VPS39: variants seen among roughly 807,000 people sequenced by gnomAD.
VPS39 encodes the protein VPS39 subunit of HOPS complex.
Under a neutral mutation model 121.0 loss-of-function variants are expected in VPS39, and 70 were observed. That is an observed-to-expected ratio of 0.58 (90% CI 0.48 to 0.71). The LOEUF is 0.71. Ranked by LOEUF, VPS39 falls within the 30% of genes least tolerant of loss-of-function variation. The pLI is 0.00. For missense variants in VPS39, 818 were observed against 1,051.5 expected (o/e 0.78, Z 3.07); for synonymous variants, 378 against 398.1 (o/e 0.95, Z 0.60).
chr15:42,173,755 T>C lies in VPS39; in HGVS notation c.1058A>G (p.Glu353Gly). ...FNLFCQKRFD[E>G]SMQVFAKLGT... The stretch of plus-strand genomic sequence containing the variant: ...AAGTTTAGCAAAGACCTGCATGGAC[T>C]CATCAAAACGCTTCTGGCAGAAGAG... The change falls in exon 11 of 25, where the codon GAG becomes GGG. Residue 353 changes from glutamate (E) to glycine (G), a missense_variant. Glu to Gly is a moderately conservative substitution (Grantham distance 98). Transcript: ENST00000318006. 6.2e-7 allele frequency: 1 copy of C among 1,614,168 alleles called. No homozygotes were observed. The highest frequency in any genetic ancestry group is 1.3e-5 in the African/African-American group (1 of 75,054).
rs1332311798 is a variant in VPS39 at position 42,197,291 on chromosome 15, G to A, written c.139+2605C>T. Among the ~76,000 whole-genome samples the A allele has an allele frequency of 2.7e-5, 4 of 150,272 alleles. No individual in the cohort carries two copies. In the South Asian group the frequency reaches 6.3e-4, roughly 24 times the overall value. ...GTATACATATGTAACAAACCTGCAC[G>A]TTGTGCACTTGTACCCTAGAACTTA... is the stretch of plus-strand genomic sequence containing the variant. On this transcript the variant is annotated intron_variant, in intron 2 of 24. Coordinates refer to ENST00000318006, the MANE Select transcript of VPS39 (RefSeq NM_015289.5).
At chr15:42,187,613 C>T (rs188065250) in intron 6 of VPS39, 145 bp downstream of exon 6, 1 of 786,662 alleles carries the variant, frequency 1.3e-6, no homozygotes, top group African/African-American at 1.7e-5. Context: ...AATCATATTA[C>T]AAGTAGGCAT....
At chr15:42,162,268 A>G (rs1427213909) in intron 22 of VPS39, 64 bp downstream of exon 22, 19 of 1,597,298 alleles carry the variant, frequency 1.2e-5, no homozygotes, top group East Asian at 1.1e-4. Context: ...CCCTTTCCAC[A>G]TTTCCTCTTC....
At position 42,184,704 on chromosome 15, in the gene VPS39, T is replaced by G. The variant is rs762745233; in HGVS notation, c.535-4A>C. On this transcript the variant is annotated splice_polypyrimidine_tract_variant and splice_region_variant and intron_variant, in intron 7 of 24. Coordinates refer to ENST00000318006, the MANE Select transcript of VPS39 (RefSeq NM_015289.5). ...TGATGGACCCCTTTCCATCCACCTA[T>G]AGGAAGAAACAGAGTGAGTCACCTA... is the stretch of plus-strand genomic sequence containing the variant. 2 of 1,607,336 alleles carry G rather than the reference T, an allele frequency of 1.2e-6. No homozygotes were observed. Among genetic ancestry groups the G allele is most frequent in the East Asian group, 4.5e-5 (2 of 44,794 alleles).
Position 42,159,043 on chromosome 15 carries a change from G to A in VPS39, c.*1711C>T, listed in dbSNP as rs932439667. On this transcript the variant is annotated 3_prime_UTR_variant, in exon 25 of 25. Coordinates refer to ENST00000318006, the MANE Select transcript of VPS39 (RefSeq NM_015289.5). ...TGCTCCTGGAGGAAGCAGAGTCCAA[G>A]CTGGCCCAGATGAGGCCCCGGGCAG... 3.3e-5 allele frequency: 5 copies of A among 152,258 alleles called. No homozygotes were observed. Among genetic ancestry groups the A allele is most frequent in the African/African-American group, 1.2e-4 (5 of 41,436 alleles). The allele number at this position is 152,258 out of a possible 1,614,324, so 9.4% of individuals were successfully genotyped here.
At chr15:42,168,950 T>C (rs1222760929) in intron 12 of VPS39, among the ~76,000 whole-genome samples, 4 of 152,196 alleles carry the variant, frequency 2.6e-5, no homozygotes, top group Non-Finnish European at 5.9e-5. Context: ...TGATTCTGAA[T>C]GGGTACACAG....
chr15:42,169,504 T>A (rs1483621425), intron 12 of VPS39, among the ~76,000 whole-genome samples: 1 of 152,236 alleles, frequency 6.6e-6, no homozygotes. Flanking sequence ...TTACTAGGAA[T>A]TGGGTGTGTT....
rs1247926607 is a variant in VPS39, at chr15:42,164,930, G to A, written c.1897+66C>T. ...GGTGGCCTGCTTACCCCCACCACAC[G>A]TGGCACCTGGGTCTGTGCTCTCCTC... On this transcript the variant is annotated intron_variant, in intron 18 of 24. Transcript: ENST00000318006. 1.2e-5 allele frequency: 19 copies of A among 1,598,690 alleles called. No homozygotes were observed. In the African/African-American group the frequency reaches 1.2e-4, roughly 10 times the overall value.
intron 11 of VPS39, 155 bp downstream of exon 11, chr15:42,173,568 C>T: frequency 2.1e-6 from 2 of 932,408 alleles, no homozygotes; most frequent in Non-Finnish European, 3.2e-6. Context: ...TATGTAACCA[C>T]TGTGGTCACC....
chr15:42,192,887 T>C lies in VPS39; in HGVS notation c.140-1327A>G, dbSNP rs114213836. Among the ~76,000 whole-genome samples, 1,020 of 152,230 alleles carry C rather than the reference T, an allele frequency of 6.7e-3. 13 individuals carry two copies. The highest frequency in any genetic ancestry group is 0.024 in the African/African-American group (986 of 41,520). On this transcript the variant is annotated intron_variant, in intron 2 of 24. Transcript: ENST00000318006. The stretch of plus-strand genomic sequence containing the variant: ...TCCACCTCCCGGGTTCAAGCAATTC[T>C]CGTGCCCTCAGCCTCTGGAGTAGCT...
intron 11 of VPS39, among the ~76,000 whole-genome samples, chr15:42,170,741 ATTTTTTTTTTT>A (rs869280235): frequency 4.8e-4 from 24 of 50,484 alleles, no homozygotes; most frequent in African/African-American, 1.1e-3. Flanking sequence ...ATGCTCGCAG[ATTTTTTTTTTT>A]TTTTTTTTTT....
intron 1 of VPS39, among the ~76,000 whole-genome samples, chr15:42,207,156 T>C (rs1311775421): frequency 6.6e-6 from 1 of 151,604 alleles, no homozygotes; most frequent in Non-Finnish European, 1.5e-5. Flanking sequence ...CTGACGCACA[T>C]GGTATCAGAC....
At chr15:42,160,890 G>C in intron 24 of VPS39, 61 bp from the exon 25 acceptor site, 1 of 1,556,516 alleles carries the variant, frequency 6.4e-7, no homozygotes, top group South Asian at 1.1e-5. Flanking sequence ...TTCTCTGGCA[G>C]CGGCACCTCC....
Position 42,169,847 on chromosome 15 carries a change from G to A in VPS39, c.1110C>T (p.Gly370=), listed in dbSNP as rs148249007. The A allele has an allele frequency of 1.2e-6, 2 of 1,613,774 alleles. No individual in the cohort carries two copies. The highest frequency in any genetic ancestry group is 2.7e-5 in the African/African-American group (2 of 74,882). Residue 370 remains glycine, a synonymous_variant, in exon 12 of 25, where the codon GGC becomes GGT. Transcript: ENST00000318006. ...CTGTGGGCAGCAGGTCAGGGTACAG[G>A]CCCATCACATGGGTGGGATCTATAT... ...KLGTDPTHVM[G]LYPDLLPTDY...
chr15:42,161,710 T>C lies in VPS39; in HGVS notation c.2524A>G (p.Met842Val). ...KCIITEEKVC[M>V]VCKKKIGNSA... Reference sequence around the variant, plus strand: ...TTCCCAATCTTCTTCTTACACACCATGCACACCTTCTCCTCTGTGATGATG... The same window carrying C: ...TTCCCAATCTTCTTCTTACACACCACGCACACCTTCTCCTCTGTGATGATG... The change falls in exon 24 of 25, where the codon ATG (methionine) becomes GTG (valine). Residue 842 changes from methionine to valine, a missense_variant. Transcript: ENST00000318006. 1 of 1,614,216 alleles carries C rather than the reference T, an allele frequency of 6.2e-7. No individual in the cohort carries two copies. Among genetic ancestry groups the C allele is most frequent in the Non-Finnish European group, 8.5e-7 (1 of 1,180,036 alleles).
At chr15:42,171,968 A>G (rs2049355563) in intron 11 of VPS39, among the ~76,000 whole-genome samples, 1 of 152,130 alleles carries the variant, frequency 6.6e-6, no homozygotes, top group South Asian at 2.1e-4. Flanking sequence ...TGGGGGTCAG[A>G]CCATGACCTA....
rs2049664750 is a variant in VPS39 at position 42,184,719 on chromosome 15, T to A, written c.535-19A>T. 2 of 1,596,846 alleles carry A rather than the reference T, an allele frequency of 1.3e-6. No homozygotes were observed. Among genetic ancestry groups the A allele is most frequent in the Middle Eastern group, 1.7e-4 (1 of 5,946 alleles). ...CATCCACCTATAGGAAGAAACAGAG[T>A]GAGTCACCTAGCATTCCCCAGCCAG... is the stretch of plus-strand genomic sequence containing the variant. On this transcript the variant is annotated intron_variant, in intron 7 of 24. Coordinates refer to ENST00000318006, the MANE Select transcript of VPS39 (RefSeq NM_015289.5).
rs1365346201 is a variant in VPS39 at position 42,184,223 on chromosome 15, A to G, written c.718+294T>C. The G allele has an allele frequency of 1.8e-5, 4 of 217,422 alleles. No homozygotes were observed. The East Asian group carries it at 4.0e-4, about 22-fold the overall frequency. The allele number at this position is 217,422 out of a possible 1,614,324, so 13.5% of individuals were successfully genotyped here. On this transcript the variant is annotated intron_variant, in intron 8 of 24. Transcript: ENST00000318006. ...AGAGGACACAATCAAAACTCTTAAA[A>G]AAAGGAGGAAGAAAAAAACTAAGAA...
chr15:42,199,010 TC>T (rs1303475661), intron 2 of VPS39, among the ~76,000 whole-genome samples: 2 of 152,176 alleles, frequency 1.3e-5, no homozygotes, highest in Non-Finnish European at 2.9e-5. Flanking sequence ...AGGTGCTTTT[TC>T]CCCCAGTGTT....
Sources: allele counts gnomAD v4.1 joint callset (sites outside exome capture counted in the v4.1 genomes callset), GRCh38; gene constraint gnomAD v4.1.1; transcripts MANE v1.5; gene names NCBI Gene and HGNC (gene_info 2026-07-23, HGNC 2026-07-21).